Variants in SLC37A3 observed in about 807,000 individuals in gnomAD.
SLC37A3 encodes solute carrier family 37 member 3, also known as sugar phosphate exchanger 3.
SLC37A3 carries 51 observed loss-of-function variants against 67.1 expected under a neutral mutation model. The observed-to-expected ratio is 0.76, with a 90% CI of 0.61 to 0.96. The LOEUF (loss-of-function observed/expected upper bound fraction) is 0.96. Among genes scored for constraint, SLC37A3 ranks in the 40% least tolerant of loss-of-function variants. SLC37A3 has a pLI of 0.00. For synonymous variants in SLC37A3, 214 were observed against 231.4 expected, an observed-to-expected ratio of 0.92 and a Z score of 0.68; for missense variants, 508 against 603.0, an observed-to-expected ratio of 0.84 and a Z score of 1.65.
chr7:140,342,408 C>A (rs372547448), intron 13 of SLC37A3, among the ~76,000 whole-genome samples: 2 of 152,310 alleles, frequency 1.3e-5, no homozygotes, highest in East Asian at 3.9e-4. Flanking sequence ...CCTTCTCAAA[C>A]GCAGTTCCCT....
intron 3 of SLC37A3, among the ~76,000 whole-genome samples, chr7:140,370,937 G>GTA (rs1175681547): frequency 2.0e-5 from 3 of 152,120 alleles, no homozygotes; most frequent in Non-Finnish European, 4.4e-5. Context: ...AACGATCTTT[G>GTA]TATAACACAC....
intron 7 of SLC37A3, among the ~76,000 whole-genome samples, chr7:140,354,743 T>G (rs77100503): frequency 0.014 from 1,545 of 113,202 alleles, 17 homozygotes; most frequent in African/African-American, 0.045. Flanking sequence ...TTTTGGTGTT[T>G]TTTTTTTTTT....
chr7:140,365,246 T>C (rs1797551937), intron 4 of SLC37A3, among the ~76,000 whole-genome samples: 1 of 152,096 alleles, frequency 6.6e-6, no homozygotes, highest in Admixed American at 6.6e-5. Flanking sequence ...ATATAAAATA[T>C]CTTGACTGAA....
chr7:140,344,416 G>A (rs1318731485), intron 12 of SLC37A3, among the ~76,000 whole-genome samples: 1 of 152,008 alleles, frequency 6.6e-6, no homozygotes, highest in Admixed American at 6.6e-5. Context: ...TGACAAGAGC[G>A]AGACTCCTTC....
At chr7:140,359,037 A>G (rs963721151) in intron 5 of SLC37A3, among the ~76,000 whole-genome samples, 2 of 152,224 alleles carry the variant, frequency 1.3e-5, no homozygotes, top group African/African-American at 4.8e-5. Context: ...CAGCCCTCCA[A>G]CTGACATCTT....
intron 9 of SLC37A3, among the ~76,000 whole-genome samples, chr7:140,350,718 T>C (rs779012786): frequency 2.6e-5 from 4 of 151,928 alleles, no homozygotes; most frequent in Non-Finnish European, 5.9e-5. Flanking sequence ...GAGCCGAGAC[T>C]GCGCCACTGC....
At chr7:140,352,167 G>A in intron 7 of SLC37A3, 21 bp from the exon 8 acceptor site, 1 of 1,544,344 alleles carries the variant, frequency 6.5e-7, no homozygotes, top group Non-Finnish European at 8.8e-7. Flanking sequence ...GGGGTGAAAG[G>A]TGGTCCTTAC....
At chr7:140,365,926 T>TC (rs1454907321) in intron 4 of SLC37A3, among the ~76,000 whole-genome samples, 1 of 27,624 alleles carries the variant, frequency 3.6e-5, no homozygotes, top group East Asian at 1.1e-3. Context: ...ATGCTTTTTT[T>TC]TTTTTTTTTT....
At chr7:140,349,780 T>C (rs1329667316) in intron 9 of SLC37A3, among the ~76,000 whole-genome samples, 2 of 152,150 alleles carry the variant, frequency 1.3e-5, no homozygotes, top group Non-Finnish European at 2.9e-5. Context: ...CAGAGAACAA[T>C]AGCTTGTGAA....
intron 4 of SLC37A3, among the ~76,000 whole-genome samples, chr7:140,364,989 G>C (rs1237683963): frequency 6.6e-6 from 1 of 152,188 alleles, no homozygotes; most frequent in African/African-American, 2.4e-5. Context: ...TGCAGTTTCA[G>C]TTCCAACCTT....
At chr7:140,361,705 C>T (rs1316327409) in intron 5 of SLC37A3, among the ~76,000 whole-genome samples, 1 of 150,394 alleles carries the variant, frequency 6.6e-6, no homozygotes, top group Admixed American at 6.6e-5. Context: ...CGCGCCGCCA[C>T]GCCTGACTGG....
At chr7:140,395,455 C>T (rs992447976) in intron 1 of SLC37A3, among the ~76,000 whole-genome samples, 3 of 149,954 alleles carry the variant, frequency 2.0e-5, no homozygotes, top group Non-Finnish European at 4.4e-5. Context: ...CACCTGTAAT[C>T]CCAGCACTTT....
chr7:140,380,832 AC>A (rs1474562356), intron 2 of SLC37A3, among the ~76,000 whole-genome samples: 1 of 150,736 alleles, frequency 6.6e-6, no homozygotes, highest in Non-Finnish European at 1.5e-5. Flanking sequence ...TCCTCCCACC[AC>A]TTGGCTTCCC....
intron 12 of SLC37A3, 102 bp downstream of exon 12, chr7:140,345,114 T>G: frequency 9.8e-7 from 1 of 1,024,224 alleles, no homozygotes; most frequent in Non-Finnish European, 1.5e-6. Context: ...TCTCTGTAAT[T>G]AAGGTTTCGG....
chr7:140,382,369 T>C, intron 2 of SLC37A3, 69 bp downstream of exon 2: 4 of 1,302,092 alleles, frequency 3.1e-6, no homozygotes, highest in Non-Finnish European at 4.4e-6. Flanking sequence ...ATTTGACACT[T>C]GCCATGCAAT....
chr7:140,362,079 G>C (rs562225332), intron 5 of SLC37A3, among the ~76,000 whole-genome samples: 7 of 117,990 alleles, frequency 5.9e-5, no homozygotes, highest in East Asian at 5.1e-4. Context: ...GTCTCTGCCC[G>C]GCCACCATCC....
chr7:140,376,196 T>A (rs1798025227), intron 3 of SLC37A3, among the ~76,000 whole-genome samples: 1 of 152,124 alleles, frequency 6.6e-6, no homozygotes, highest in South Asian at 2.1e-4. Context: ...GACTGTTGAC[T>A]TAAATGGAAA....
intron 3 of SLC37A3, among the ~76,000 whole-genome samples, chr7:140,377,879 T>TA (rs1000861570): frequency 6.6e-6 from 1 of 151,952 alleles, no homozygotes; most frequent in Admixed American, 6.6e-5. Context: ...AAAAATAATT[T>TA]AAAAAAAATT....
chr7:140,355,270 G>A (rs191028669), intron 7 of SLC37A3, among the ~76,000 whole-genome samples: 103 of 151,670 alleles, frequency 6.8e-4, no homozygotes, highest in African/African-American at 2.4e-3. Flanking sequence ...GGAGTGAAGC[G>A]GTGCGACCTT....
Sources: gnomAD v4.1 joint callset for allele counts (sites outside exome capture counted in the v4.1 genomes callset) on GRCh38, gnomAD v4.1.1 for gene constraint, MANE v1.5 for transcripts, NCBI Gene and HGNC (gene_info 2026-07-23, HGNC 2026-07-21) for gene names.